Variants in WDR88 observed in about 807,000 individuals in gnomAD.
WDR88 encodes WD repeat-containing protein 88.
WDR88 carries 40 observed loss-of-function variants against 46.8 expected under a neutral mutation model. The ratio of observed to expected loss-of-function variants is 0.86; its 90% CI spans 0.66 to 1.11. The LOEUF (loss-of-function observed/expected upper bound fraction) is 1.11. WDR88 is among the 50% of genes most tolerant of loss of function. WDR88 has a pLI of 0.00. For missense variants in WDR88, 562 were observed against 602.4 expected, an observed-to-expected ratio of 0.93 and a Z score of 0.70; for synonymous variants, 235 against 240.7, an observed-to-expected ratio of 0.98 and a Z score of 0.22.
intron 10 of WDR88, chr19:33,174,131 C>T (rs946980881): frequency 1.8e-5 from 28 of 1,532,442 alleles, no homozygotes; most frequent in South Asian, 1.8e-4. Flanking sequence ...GGACTACAGG[C>T]GCAAGCTATC....
At chr19:33,165,901 C>CA (rs34888884) in intron 9 of WDR88, among the ~76,000 whole-genome samples, 32,905 of 108,838 alleles carry the variant, frequency 0.3, 4,340 homozygotes, top group South Asian at 0.47. Flanking sequence ...AACTCTGTCT[C>CA]AAAAAAAAAA....
intron 6 of WDR88, among the ~76,000 whole-genome samples, chr19:33,152,955 G>A (rs910813978): frequency 2.0e-5 from 3 of 152,124 alleles, no homozygotes; most frequent in Non-Finnish European, 2.9e-5. Context: ...TTCATCTGTT[G>A]ATGACCTCTT....
At chr19:33,172,767 G>A (rs1599921141) in intron 10 of WDR88, among the ~76,000 whole-genome samples, 1 of 152,192 alleles carries the variant, frequency 6.6e-6, no homozygotes, top group East Asian at 1.9e-4. Flanking sequence ...TGAAGGTGGT[G>A]AGGGGGTGAG....
intron 7 of WDR88, among the ~76,000 whole-genome samples, chr19:33,157,677 GTGTATGTA>G (rs1235076425): frequency 0.058 from 193 of 3,354 alleles, no homozygotes; most frequent in African/African-American, 0.12. Flanking sequence ...ATGTGTGTGT[GTGTATGTA>G]TGTATATATA....
At chr19:33,174,436 CCT>C (rs1974091611) in intron 10 of WDR88, 9 of 1,372,304 alleles carry the variant, frequency 6.6e-6, no homozygotes, top group East Asian at 2.6e-5. Flanking sequence ...GGTGGGAACC[CCT>C]GAGGGGCCTC....
chr19:33,146,534 C>CT (rs1439432322), intron 3 of WDR88, among the ~76,000 whole-genome samples: 10 of 148,402 alleles, frequency 6.7e-5, no homozygotes, highest in Non-Finnish European at 1.3e-4. Flanking sequence ...TCCTTCTTTC[C>CT]TTTTTTTTGA....
At position 33,175,738 on chromosome 19, in the gene WDR88, C is replaced by T. The variant is rs1974112407; in HGVS notation, c.*166C>T. 1 of 696,088 alleles carries T rather than the reference C, an allele frequency of 1.4e-6. No homozygotes were observed. The highest frequency in any genetic ancestry group is 1.8e-5 in the African/African-American group (1 of 55,576). 43.1% of individuals were successfully genotyped at this position (696,088 alleles called of 1,614,324 possible). On this transcript the variant is annotated 3_prime_UTR_variant, in exon 11 of 11. Coordinates refer to ENST00000355868, the MANE Select transcript of WDR88 (RefSeq NM_173479.4). Reference sequence around the variant, plus strand: ...TCAGCACAGTGCCACCTCCTCAGCTCTCAGCTTGGGGAGTGAACACTTTCC... The same window carrying T: ...TCAGCACAGTGCCACCTCCTCAGCTTTCAGCTTGGGGAGTGAACACTTTCC...
chr19:33,142,447 T>C (rs894391621), intron 2 of WDR88, among the ~76,000 whole-genome samples: 1 of 151,892 alleles, frequency 6.6e-6, no homozygotes, highest in Admixed American at 6.6e-5. Context: ...TTGGATGCAC[T>C]TCCTGGGACA....
chr19:33,174,151 A>T, intron 10 of WDR88: 1 of 1,535,738 alleles, frequency 6.5e-7, no homozygotes, highest in Non-Finnish European at 8.7e-7. Flanking sequence ...CCGCACCCAA[A>T]CTGGGATCTA....
At chr19:33,140,666 T>C (rs912908766) in intron 2 of WDR88, among the ~76,000 whole-genome samples, 7 of 152,024 alleles carry the variant, frequency 4.6e-5, no homozygotes, top group African/African-American at 1.7e-4. Flanking sequence ...GGCAGGTGCC[T>C]GTAGTCCCAG....
intron 10 of WDR88, chr19:33,174,033 T>A: frequency 1.4e-6 from 1 of 731,878 alleles, no homozygotes; most frequent in Non-Finnish European, 2.2e-6. Context: ...TGTGTTTTTA[T>A]TAGAGACGGG....
rs779365271 is a variant in WDR88 at position 33,137,741 on chromosome 19, A to C, written c.341A>C (p.Asp114Ala). ...AVSTCHFCVDDTKLLSGSYDC... is the reference protein window; with the variant it reads ...AVSTCHFCVDATKLLSGSYDC... ...AGCACCTGCCACTTCTGTGTGGATG[A>C]CACAAAGCTCCTCAGTGGCTCCTAT... is the stretch of plus-strand genomic sequence containing the variant. Residue 114 changes from aspartate to alanine, a missense_variant, in exon 2 of 11, where the codon GAC becomes GCC. Physicochemically the swap from Asp to Ala is moderately radical, Grantham distance 126. Coordinates refer to ENST00000355868, the MANE Select transcript of WDR88 (RefSeq NM_173479.4). 1 of 1,613,940 alleles carries C rather than the reference A, an allele frequency of 6.2e-7. No individual in the cohort carries two copies. The highest frequency in any genetic ancestry group is 8.5e-7 in the Non-Finnish European group (1 of 1,180,028).
intron 2 of WDR88, among the ~76,000 whole-genome samples, chr19:33,143,555 G>A (rs1973446391): frequency 6.6e-6 from 1 of 151,370 alleles, no homozygotes; most frequent in Non-Finnish European, 1.5e-5. Context: ...GAGATGGGAG[G>A]ATGGCTTTGG....
chr19:33,164,550 G>A (rs1308338095), intron 9 of WDR88, among the ~76,000 whole-genome samples: 1 of 152,200 alleles, frequency 6.6e-6, no homozygotes, highest in Non-Finnish European at 1.5e-5. Flanking sequence ...TGGGGGACTT[G>A]AAGGGAAAGC....
chr19:33,172,054 G>A (rs909219842), intron 9 of WDR88, among the ~76,000 whole-genome samples: 29 of 152,154 alleles, frequency 1.9e-4, no homozygotes, highest in African/African-American at 7.0e-4. Flanking sequence ...ATGAGCCACC[G>A]CGCCTGGCCA....
Position 33,144,947 on chromosome 19 carries a change from G to C in WDR88, c.476+15G>C. Reference sequence around the variant, plus strand: ...GACAGCAGCAGGTGACCTTTCCCTCGTCTTACACTGGGAAGAGGGAGGGTG... The same window carrying C: ...GACAGCAGCAGGTGACCTTTCCCTCCTCTTACACTGGGAAGAGGGAGGGTG... On this transcript the variant is annotated intron_variant, in intron 3 of 10. Coordinates refer to ENST00000355868, the MANE Select transcript of WDR88 (RefSeq NM_173479.4). 1 of 1,606,882 alleles carries C rather than the reference G, an allele frequency of 6.2e-7. No homozygotes were observed. The highest frequency in any genetic ancestry group is 8.5e-7 in the Non-Finnish European group (1 of 1,175,628).
At chr19:33,140,648 G>A (rs1973370782) in intron 2 of WDR88, among the ~76,000 whole-genome samples, 1 of 152,096 alleles carries the variant, frequency 6.6e-6, no homozygotes, top group African/African-American at 2.4e-5. Context: ...AAATTAGCTG[G>A]GTGTGGTGGC....
intron 8 of WDR88, among the ~76,000 whole-genome samples, chr19:33,160,892 C>T (rs1039697076): frequency 4.6e-5 from 7 of 152,140 alleles, no homozygotes; most frequent in Admixed American, 2.6e-4. Context: ...CTGTGCAGGC[C>T]TGGGCACTGT....
intron 2 of WDR88, among the ~76,000 whole-genome samples, chr19:33,138,530 A>G (rs982916071): frequency 1.3e-5 from 2 of 151,868 alleles, no homozygotes; most frequent in Non-Finnish European, 2.9e-5. Context: ...TTTTTTTAGT[A>G]GAGACAGAGT....
Sources: allele counts gnomAD v4.1 joint callset (sites outside exome capture counted in the v4.1 genomes callset), GRCh38; gene constraint gnomAD v4.1.1; transcripts MANE v1.5; gene names NCBI Gene and HGNC (gene_info 2026-07-23, HGNC 2026-07-21).